E2F3: variants seen among roughly 807,000 people sequenced by gnomAD.
E2F3 encodes the protein transcription factor E2F3.
E2F3 carries 11 observed loss-of-function variants against 44.4 expected under a neutral mutation model. The observed-to-expected ratio is 0.25, with a 90% CI of 0.16 to 0.41. E2F3 has a LOEUF of 0.41. Ranked by LOEUF, E2F3 falls within the 10% of genes least tolerant of loss-of-function variation. The probability of loss-of-function intolerance (pLI) is 1.00; values close to 1 mark genes in which losing one functional copy is unlikely to be tolerated. For synonymous variants in E2F3, 249 were observed against 253.0 expected (o/e 0.98, Z 0.15); for missense variants, 487 against 583.6 (o/e 0.83, Z 1.70).
In E2F3 at chr6:20,402,219, A is replaced by G; in HGVS notation, c.-14A>G. 6.3e-7 allele frequency: 1 copy of G among 1,580,276 alleles called. No individual in the cohort carries two copies. Among genetic ancestry groups the G allele is most frequent in the South Asian group, 1.2e-5 (1 of 86,296 alleles). ...ATTAATATACCATAACACTAAAAAG[A>G]GCAGGAGCGAGAGATGAGAAAGGGA... On this transcript the variant is annotated 5_prime_UTR_variant, in exon 1 of 7. Transcript: ENST00000346618. This position sits in a 1 kb window ranked among gnomAD's most constrained non-coding sequence, Gnocchi z 5.6.
At chr6:20,482,577 G>C (rs1221403591) in intron 3 of E2F3, among the ~76,000 whole-genome samples, 185 bp from the exon 4 acceptor site, 1 of 130,568 alleles carries the variant, frequency 7.7e-6, no homozygotes, top group Non-Finnish European at 1.5e-5. Flanking sequence ...GAAAAGTGCA[G>C]AACTGTATTT....
chr6:20,414,497 A>T (rs566254004), intron 1 of E2F3, among the ~76,000 whole-genome samples: 26 of 152,100 alleles, frequency 1.7e-4, no homozygotes, highest in African/African-American at 6.0e-4. Context: ...TCTTGAATTT[A>T]TTTTCTTAAG....
intron 1 of E2F3, among the ~76,000 whole-genome samples, chr6:20,433,382 C>G (rs1004090779): frequency 6.6e-6 from 1 of 152,044 alleles, no homozygotes; most frequent in Non-Finnish European, 1.5e-5. Flanking sequence ...TAATGTGGGC[C>G]CCTGGATAGA....
At chr6:20,480,089 T>C (rs936392580) in intron 2 of E2F3, 132 bp downstream of exon 2, 1 of 1,422,446 alleles carries the variant, frequency 7.0e-7, no homozygotes, top group Non-Finnish European at 9.2e-7. Context: ...CTTTCTGTGC[T>C]TATCCAAAAA....
At chr6:20,438,906 A>G (rs1760680504) in intron 1 of E2F3, among the ~76,000 whole-genome samples, 1 of 152,184 alleles carries the variant, frequency 6.6e-6, no homozygotes, top group African/African-American at 2.4e-5. Context: ...ACAAAAACTA[A>G]CTGCATGTTA....
chr6:20,403,224 C>A (rs1364967466), intron 1 of E2F3, among the ~76,000 whole-genome samples: 6 of 65,170 alleles, frequency 9.2e-5, no homozygotes, highest in African/African-American at 3.6e-4. Flanking sequence ...GGGAGTCGGG[C>A]GTGGGGGAGG....
At position 20,406,417 on chromosome 6, in the gene E2F3, A is replaced by C. The variant is rs536396608; in HGVS notation, c.393+3792A>C. ...ACCCAGTACAATTCATATTTATTATACAAATGTTAATTTTTTTCTGACTTA... is the reference window on the plus strand; with the variant it reads ...ACCCAGTACAATTCATATTTATTATCCAAATGTTAATTTTTTTCTGACTTA... On this transcript the variant is annotated intron_variant, in intron 1 of 6. Coordinates refer to ENST00000346618, the MANE Select transcript of E2F3 (RefSeq NM_001949.5). Among the ~76,000 whole-genome samples, 16 of 152,328 alleles carry C rather than the reference A, an allele frequency of 1.1e-4. No individual in the cohort carries two copies. The South Asian group carries it at 3.1e-3, about 30-fold the overall frequency.
intron 1 of E2F3, among the ~76,000 whole-genome samples, chr6:20,407,426 A>G (rs924280593): frequency 1.3e-5 from 2 of 152,184 alleles, no homozygotes; most frequent in African/African-American, 2.4e-5. Context: ...ATAAATCGCC[A>G]CCTTGTGTAT....
At chr6:20,431,207 A>G (rs1000620683) in intron 1 of E2F3, among the ~76,000 whole-genome samples, 22 of 152,188 alleles carry the variant, frequency 1.4e-4, no homozygotes, top group Non-Finnish European at 7.3e-5. Context: ...GAGGAATGCA[A>G]CTGTCTCTGG....
intron 1 of E2F3, among the ~76,000 whole-genome samples, chr6:20,429,747 G>T (rs1040469415): frequency 2.0e-5 from 3 of 151,240 alleles, no homozygotes; most frequent in African/African-American, 4.9e-5. Context: ...AACCCACATT[G>T]ATGTTTTATC....
At position 20,442,867 on chromosome 6, in the gene E2F3, G is replaced by A. The variant is rs181387337; in HGVS notation, c.394-36979G>A. ...CACCTGTAATCCCAGCTGTGCAGGA[G>A]ACTGAGGCAGGAGAATCACTTGAAC... On this transcript the variant is annotated intron_variant, in intron 1 of 6. Coordinates refer to ENST00000346618, the MANE Select transcript of E2F3 (RefSeq NM_001949.5). 7.2e-5 allele frequency among the ~76,000 whole-genome samples: 11 copies of A among 151,990 alleles called. No homozygotes were observed. The East Asian group carries it at 2.1e-3, about 29-fold the overall frequency.
rs1561892122 is a variant in E2F3, at chr6:20,492,214, A to G, written c.*1784A>G. Reference sequence around the variant, plus strand: ...CAGTTTACTCCAGGTAGATTTCCACAATATGCAAAGTGGTGGTGGGGTCAA... The same window carrying G: ...CAGTTTACTCCAGGTAGATTTCCACGATATGCAAAGTGGTGGTGGGGTCAA... On this transcript the variant is annotated 3_prime_UTR_variant, in exon 7 of 7. Coordinates refer to ENST00000346618, the MANE Select transcript of E2F3 (RefSeq NM_001949.5). 4.4e-6 allele frequency: 1 copy of G among 229,468 alleles called. No homozygotes were observed. Among genetic ancestry groups the G allele is most frequent in the Non-Finnish European group, 8.6e-6 (1 of 115,640 alleles). The allele number at this position is 229,468 out of a possible 1,614,324, so 14.2% of individuals were successfully genotyped here.
At chr6:20,486,182 T>G (rs1418260992) in intron 4 of E2F3, among the ~76,000 whole-genome samples, 1 of 152,228 alleles carries the variant, frequency 6.6e-6, no homozygotes. Flanking sequence ...ATGGGCGGGA[T>G]AAAGCTATTC....
At chr6:20,468,646 G>A (rs933751708) in intron 1 of E2F3, among the ~76,000 whole-genome samples, 1 of 152,192 alleles carries the variant, frequency 6.6e-6, no homozygotes, top group Admixed American at 6.5e-5. Context: ...CTCCTTGGAG[G>A]TTTAGAGATG....
rs1178107597 is a variant in E2F3, at chr6:20,490,364, C to T, written c.1332C>T (p.Ile444=). 1 of 1,613,316 alleles carries T rather than the reference C, an allele frequency of 6.2e-7. No homozygotes were observed. The highest frequency in any genetic ancestry group is 1.7e-5 in the Admixed American group (1 of 59,882). Reference sequence around the variant, plus strand: ...TGAGCCTCGGGGAGGAGGAAGGCATCAGCGATCTCTTCGATGCTTACGATT... The same window carrying T: ...TGAGCCTCGGGGAGGAGGAAGGCATTAGCGATCTCTTCGATGCTTACGATT... ...YLLSLGEEEG[I]SDLFDAYDLE... Residue 444 remains isoleucine, a synonymous_variant, in exon 7 of 7, where the codon ATC becomes ATT. Transcript: ENST00000346618. The surrounding 1 kb of genome is among the most constrained non-coding windows in gnomAD (Gnocchi z 4.3).
At chr6:20,437,384 G>A (rs1376445316) in intron 1 of E2F3, among the ~76,000 whole-genome samples, 2 of 152,024 alleles carry the variant, frequency 1.3e-5, no homozygotes, top group South Asian at 4.1e-4. Flanking sequence ...AAAATTGGCG[G>A]GTGCCAATCA....
rs1377841061 is a variant in E2F3, at chr6:20,402,613, C to CGGA, written c.383_384insAGG (p.Gly129dup). ...TGGGACGCGGCGGCAGCGGCGGCGG[C>CGGA]GGCGGCCCTCCGGTAATACCCTCCC... On this transcript the variant is annotated inframe_insertion, in exon 1 of 7. Transcript: ENST00000346618. The surrounding 1 kb of genome is among the most constrained non-coding windows in gnomAD (Gnocchi z 5.6). The CGGA allele has an allele frequency of 2.2e-6, 3 of 1,338,422 alleles. No individual in the cohort carries two copies. In the African/African-American group the frequency reaches 4.6e-5, roughly 21 times the overall value. 82.9% of individuals were successfully genotyped at this position (1,338,422 alleles called of 1,614,324 possible).
At position 20,481,282 on chromosome 6, in the gene E2F3, G is replaced by A. The variant is rs1762216766; in HGVS notation, c.582G>A (p.Leu194=). Residue 194 remains leucine (L), a synonymous_variant, in exon 3 of 7, where the codon CTG becomes CTA. Transcript: ENST00000346618. ...TCACCAAGAAGTTCATTCAGCTCCT[G>A]AGCCAGTCACCCGATGGGGTATTGG... ...GLLTKKFIQL[L]SQSPDGVLDL... 2 of 1,614,004 alleles carry A rather than the reference G, an allele frequency of 1.2e-6. No homozygotes were observed. Among genetic ancestry groups the A allele is most frequent in the East Asian group, 2.2e-5 (1 of 44,892 alleles).
At chr6:20,467,586 G>A (rs777663772) in intron 1 of E2F3, among the ~76,000 whole-genome samples, 4 of 152,028 alleles carry the variant, frequency 2.6e-5, no homozygotes, top group Non-Finnish European at 5.9e-5. Context: ...TTCTGATGTC[G>A]CTGCATAATT....
Sources: allele counts gnomAD v4.1 joint callset (sites outside exome capture counted in the v4.1 genomes callset), GRCh38; gene constraint gnomAD v4.1.1; non-coding constraint Gnocchi (gnomAD v3.1); transcripts MANE v1.5; gene names NCBI Gene and HGNC (gene_info 2026-07-23, HGNC 2026-07-21).